Variants in GALNT17 observed in about 807,000 individuals in gnomAD.
GALNT17 encodes polypeptide N-acetylgalactosaminyltransferase 17, also known as UDP-GalNAc:polypeptide N-acetylgalactosaminyltransferase-like 3.
A neutral mutation model predicts 63.7 loss-of-function variants in GALNT17; 29 were observed. The observed-to-expected ratio is 0.46, with a 90% CI of 0.34 to 0.62. The LOEUF (loss-of-function observed/expected upper bound fraction) is 0.62. Ranked by LOEUF, GALNT17 falls within the 20% of genes least tolerant of loss-of-function variation. The probability of loss-of-function intolerance (pLI) is 0.01; values close to 1 mark genes in which losing one functional copy is unlikely to be tolerated. For synonymous variants in GALNT17, 305 were observed against 318.3 expected, an observed-to-expected ratio of 0.96 and a Z score of 0.45; for missense variants, 603 against 799.6, an observed-to-expected ratio of 0.75 and a Z score of 2.97.
chr7:71,259,702 C>T (rs899891031), intron 1 of GALNT17, among the ~76,000 whole-genome samples: 7 of 142,878 alleles, frequency 4.9e-5, no homozygotes, highest in Admixed American at 2.9e-4. Context: ...AGTGCAGTGG[C>T]GCAATCTCGG....
At position 71,710,839 on chromosome 7, in the gene GALNT17, C is replaced by T. The variant is rs1791781686; in HGVS notation, c.1579C>T (p.Leu527=). ...TTTLLPDTRC[L]VDNSKSRLPQ... is the part of the protein sequence containing the mutation. ...CACACTCCTCCCTGACACCCGCTGC[C>T]TGGTGGACAACTCCAAGAGTCGGCT... The change falls in exon 10 of 11, where the codon CTG becomes TTG. Residue 527 remains leucine (L), a synonymous_variant. Transcript: ENST00000333538. The T allele has an allele frequency of 1.2e-6, 2 of 1,613,778 alleles. No individual in the cohort carries two copies. The highest frequency in any genetic ancestry group is 1.1e-5 in the South Asian group (1 of 91,072).
In GALNT17 at chr7:71,671,125, G is replaced by A. The variant is rs1249134962; in HGVS notation, c.1404+1016G>A. On this transcript the variant is annotated intron_variant, in intron 8 of 10. Coordinates refer to ENST00000333538, the MANE Select transcript of GALNT17 (RefSeq NM_022479.3). ...GGCTTTGCTTGAGAACATAGACACT[G>A]GTGTCTTTTCCAATTTTAAAATATC... Among the ~76,000 whole-genome samples the A allele has an allele frequency of 4.6e-5, 7 of 152,126 alleles. No homozygotes were observed. In the East Asian group the frequency reaches 1.4e-3, roughly 29 times the overall value.
chr7:71,679,747 C>T (rs568074251), intron 9 of GALNT17, among the ~76,000 whole-genome samples: 7 of 151,964 alleles, frequency 4.6e-5, no homozygotes, highest in Admixed American at 4.6e-4. Flanking sequence ...CCAGCCTGCA[C>T]GCTGCAGTGG....
intron 5 of GALNT17, among the ~76,000 whole-genome samples, chr7:71,500,329 T>A (rs1788160776): frequency 6.6e-6 from 1 of 152,226 alleles, no homozygotes; most frequent in Non-Finnish European, 1.5e-5. Context: ...AAAGGTTCTC[T>A]GATTTATTCA....
intron 6 of GALNT17, among the ~76,000 whole-genome samples, chr7:71,613,145 T>A (rs965744231): frequency 6.6e-6 from 1 of 152,170 alleles, no homozygotes; most frequent in African/African-American, 2.4e-5. Context: ...AAATACAGCA[T>A]GTTCAGAAAA....
At chr7:71,593,436 T>C (rs889803323) in intron 6 of GALNT17, among the ~76,000 whole-genome samples, 1 of 151,934 alleles carries the variant, frequency 6.6e-6, no homozygotes, top group African/African-American at 2.4e-5. Flanking sequence ...CAGCTAATTT[T>C]TGTATTTTTG....
At chr7:71,367,193 A>G (rs951347587) in intron 2 of GALNT17, among the ~76,000 whole-genome samples, 1 of 152,158 alleles carries the variant, frequency 6.6e-6, no homozygotes, top group African/African-American at 2.4e-5. Flanking sequence ...AATCTTATCC[A>G]TCTACTTCTC....
chr7:71,434,126 C>T (rs893968580), intron 5 of GALNT17, among the ~76,000 whole-genome samples: 5 of 152,294 alleles, frequency 3.3e-5, no homozygotes, highest in Non-Finnish European at 7.3e-5. Flanking sequence ...TTGAAGGCTG[C>T]ACTGTCAACT....
chr7:71,564,766 C>T (rs1021095101), intron 5 of GALNT17, among the ~76,000 whole-genome samples: 2 of 152,142 alleles, frequency 1.3e-5, no homozygotes, highest in South Asian at 2.1e-4. Context: ...TGCTGACCTG[C>T]CCTGGCCTGG....
chr7:71,197,825 A>C (rs1019307568), intron 1 of GALNT17, among the ~76,000 whole-genome samples: 1 of 151,994 alleles, frequency 6.6e-6, no homozygotes, highest in African/African-American at 2.4e-5. Flanking sequence ...ATATGTATCA[A>C]GATTTTCTTT....
At chr7:71,555,627 A>G (rs1044618378) in intron 5 of GALNT17, among the ~76,000 whole-genome samples, 1 of 152,020 alleles carries the variant, frequency 6.6e-6, no homozygotes, top group Non-Finnish European at 1.5e-5. Context: ...ACTATCCCAT[A>G]TGTCAGTGAT....
intron 2 of GALNT17, among the ~76,000 whole-genome samples, chr7:71,363,502 AC>A (rs1374692542): frequency 1.3e-5 from 2 of 151,784 alleles, no homozygotes; most frequent in Non-Finnish European, 1.5e-5. Flanking sequence ...CAGCTCCATC[AC>A]CCCCATTCCC....
intron 1 of GALNT17, among the ~76,000 whole-genome samples, chr7:71,312,340 A>T (rs1182130990): frequency 6.6e-6 from 1 of 152,178 alleles, no homozygotes; most frequent in Non-Finnish European, 1.5e-5. Flanking sequence ...TTTGGGGCTC[A>T]CCTGCCCTGC....
intron 9 of GALNT17, among the ~76,000 whole-genome samples, chr7:71,700,522 A>G (rs1470433141): frequency 6.6e-6 from 1 of 151,520 alleles, no homozygotes; most frequent in Non-Finnish European, 1.5e-5. Flanking sequence ...AGCTTGATGG[A>G]CTCCATCTAG....
chr7:71,353,749 T>G (rs991122766), intron 2 of GALNT17, among the ~76,000 whole-genome samples: 2 of 152,216 alleles, frequency 1.3e-5, no homozygotes, highest in African/African-American at 4.8e-5. Flanking sequence ...AGCCACTCAT[T>G]ACTTGTCTCA....
intron 5 of GALNT17, among the ~76,000 whole-genome samples, chr7:71,475,242 T>C (rs1787703702): frequency 6.6e-6 from 1 of 152,210 alleles, no homozygotes; most frequent in South Asian, 2.1e-4. Flanking sequence ...TTCGGGATGA[T>C]TCAAGCACAT....
At chr7:71,380,509 A>T (rs1280915253) in intron 2 of GALNT17, among the ~76,000 whole-genome samples, 1 of 151,952 alleles carries the variant, frequency 6.6e-6, no homozygotes, top group Non-Finnish European at 1.5e-5. Context: ...TTTTGTAGCG[A>T]TGGGATCTTG....
intron 9 of GALNT17, among the ~76,000 whole-genome samples, chr7:71,686,560 T>TG (rs1791362125): frequency 6.6e-6 from 1 of 150,648 alleles, no homozygotes; most frequent in Admixed American, 6.6e-5. Flanking sequence ...TATTTTTTTT[T>TG]TAAATTTTTG....
intron 5 of GALNT17, among the ~76,000 whole-genome samples, chr7:71,477,542 G>A (rs1356363752): frequency 6.6e-6 from 1 of 152,144 alleles, no homozygotes; most frequent in African/African-American, 2.4e-5. Context: ...ATATCATGGA[G>A]GGCAGTACCT....
Sources: gnomAD v4.1 joint callset for allele counts (sites outside exome capture counted in the v4.1 genomes callset) on GRCh38, gnomAD v4.1.1 for gene constraint, MANE v1.5 for transcripts, NCBI Gene and HGNC (gene_info 2026-07-23, HGNC 2026-07-21) for gene names.